DSCAM: variants seen among roughly 807,000 people sequenced by gnomAD.
DSCAM encodes cell adhesion molecule DSCAM.
In DSCAM, 47 loss-of-function variants were observed where a neutral mutation model predicts 217.7. That is an observed-to-expected ratio of 0.22 (90% CI 0.17 to 0.28). The LOEUF is 0.28. Ranked by LOEUF, DSCAM falls within the 10% of genes least tolerant of loss-of-function variation. The pLI is 1.00. For synonymous variants in DSCAM, 1,056 were observed against 1,015.3 expected, an observed-to-expected ratio of 1.04 and a Z score of -0.76; for missense variants, 2,080 against 2,618.3, an observed-to-expected ratio of 0.79 and a Z score of 4.49.
intron 3 of DSCAM, among the ~76,000 whole-genome samples, chr21:40,649,138 C>T (rs966717643): frequency 6.6e-6 from 1 of 152,152 alleles, no homozygotes; most frequent in Non-Finnish European, 1.5e-5. Flanking sequence ...CAGTGCACTA[C>T]ATCTGGTTAC....
chr21:40,057,416 T>G (rs937785159), intron 28 of DSCAM, among the ~76,000 whole-genome samples: 1 of 152,172 alleles, frequency 6.6e-6, no homozygotes, highest in African/African-American at 2.4e-5. Flanking sequence ...CAAAAACATA[T>G]GGGGAACTAC....
At chr21:40,420,790 A>G (rs2075416673) in intron 3 of DSCAM, among the ~76,000 whole-genome samples, 1 of 152,208 alleles carries the variant, frequency 6.6e-6, no homozygotes, top group African/African-American at 2.4e-5. Context: ...TCTACAAGCC[A>G]ACAAAATGCC....
At chr21:40,590,589 C>T (rs1484398420) in intron 3 of DSCAM, among the ~76,000 whole-genome samples, 1 of 152,082 alleles carries the variant, frequency 6.6e-6, no homozygotes, top group African/African-American at 2.4e-5. Context: ...CAGTAACCAG[C>T]CAATAGATGA....
At chr21:40,063,002 G>T in intron 27 of DSCAM, 103 bp from the exon 28 acceptor site, 1 of 1,042,754 alleles carries the variant, frequency 9.6e-7, no homozygotes, top group South Asian at 2.0e-5. Flanking sequence ...CAGTCATTTT[G>T]AAACACAATC....
intron 11 of DSCAM, among the ~76,000 whole-genome samples, chr21:40,230,495 C>A (rs373701038): frequency 6.6e-6 from 1 of 151,966 alleles, no homozygotes; most frequent in East Asian, 1.9e-4. Flanking sequence ...GTCATAGTGG[C>A]CCCTCTTTTA....
At chr21:40,644,847 G>A (rs1217914964) in intron 3 of DSCAM, among the ~76,000 whole-genome samples, 5 of 152,100 alleles carry the variant, frequency 3.3e-5, no homozygotes, top group Admixed American at 2.0e-4. Context: ...CAGTCAAAAC[G>A]TTCCATCCCT....
chr21:40,240,914 C>T (rs1305710933), intron 11 of DSCAM, among the ~76,000 whole-genome samples: 2 of 152,188 alleles, frequency 1.3e-5, no homozygotes, highest in Non-Finnish European at 2.9e-5. Flanking sequence ...GGTAATGGTG[C>T]TGGGAGAACT....
At chr21:40,681,512 T>A (rs1232024055) in intron 3 of DSCAM, among the ~76,000 whole-genome samples, 1 of 149,672 alleles carries the variant, frequency 6.7e-6, no homozygotes, top group Non-Finnish European at 1.5e-5. Context: ...TTTAAGAATC[T>A]CATTGAGTAT....
At chr21:40,654,115 A>G (rs1432992799) in intron 3 of DSCAM, among the ~76,000 whole-genome samples, 1 of 152,136 alleles carries the variant, frequency 6.6e-6, no homozygotes, top group East Asian at 1.9e-4. Context: ...AGAAAAAAGA[A>G]AAAAAGAAAA....
At chr21:40,542,305 G>A (rs767916477) in intron 3 of DSCAM, among the ~76,000 whole-genome samples, 5 of 152,198 alleles carry the variant, frequency 3.3e-5, no homozygotes, top group Admixed American at 6.5e-5. Flanking sequence ...TAGGGGTAAC[G>A]ATGTCACAAG....
At chr21:40,828,463 G>A (rs193001132) in intron 1 of DSCAM, among the ~76,000 whole-genome samples, 1 of 152,132 alleles carries the variant, frequency 6.6e-6, no homozygotes, top group Non-Finnish European at 1.5e-5. Context: ...GCCTCAAAGG[G>A]CTTACCTGCT....
At chr21:40,799,784 G>T (rs1395857596) in intron 1 of DSCAM, among the ~76,000 whole-genome samples, 1 of 151,912 alleles carries the variant, frequency 6.6e-6, no homozygotes, top group East Asian at 1.9e-4. Flanking sequence ...ATTACATTAG[G>T]CTTAATAGTT....
chr21:40,500,677 C>T (rs1316445492), intron 3 of DSCAM, among the ~76,000 whole-genome samples: 3 of 152,182 alleles, frequency 2.0e-5, no homozygotes, highest in Non-Finnish European at 4.4e-5. Flanking sequence ...TACCCAGGGG[C>T]TAAGAGCAGC....
chr21:40,431,662 T>TA (rs1357738677), intron 3 of DSCAM, among the ~76,000 whole-genome samples: 1 of 152,230 alleles, frequency 6.6e-6, no homozygotes, highest in East Asian at 1.9e-4. Flanking sequence ...GGACAGTATC[T>TA]AAAATATATA....
intron 19 of DSCAM, among the ~76,000 whole-genome samples, chr21:40,126,738 C>T (rs1485857866): frequency 6.6e-6 from 1 of 152,192 alleles, no homozygotes; most frequent in Non-Finnish European, 1.5e-5. Context: ...TGTGTCACAG[C>T]CGATCAAGGG....
intron 1 of DSCAM, among the ~76,000 whole-genome samples, chr21:40,790,180 CTTTT>C (rs771986567): frequency 6.4e-5 from 8 of 125,394 alleles, no homozygotes; most frequent in African/African-American, 2.4e-4. Flanking sequence ...TTCTTTCTTT[CTTTT>C]TTTTTTTTTT....
intron 3 of DSCAM, among the ~76,000 whole-genome samples, chr21:40,673,333 C>T (rs1317206943): frequency 6.6e-6 from 1 of 152,152 alleles, no homozygotes; most frequent in Non-Finnish European, 1.5e-5. Context: ...CAATGAAACC[C>T]AGTGTATCTA....
chr21:40,756,567 T>G (rs542302209), intron 1 of DSCAM, among the ~76,000 whole-genome samples: 4 of 151,520 alleles, frequency 2.6e-5, no homozygotes, highest in Non-Finnish European at 4.4e-5. Context: ...AATTTTTGTA[T>G]TTTTAGCACA....
At chr21:40,133,776 C>A in intron 19 of DSCAM, 78 bp downstream of exon 19, 3 of 1,491,338 alleles carry the variant, frequency 2.0e-6, no homozygotes, top group African/African-American at 2.8e-5. Flanking sequence ...TGATGAACTG[C>A]AGGGTAAAGG....
Sources: allele counts gnomAD v4.1 joint callset (sites outside exome capture counted in the v4.1 genomes callset), GRCh38; gene constraint gnomAD v4.1.1; transcripts MANE v1.5; gene names NCBI Gene and HGNC (gene_info 2026-07-23, HGNC 2026-07-21).